CDH13: variants seen among roughly 807,000 people sequenced by gnomAD.
CDH13 encodes cadherin 13.
A neutral mutation model predicts 63.8 loss-of-function variants in CDH13; 24 were observed. The observed-to-expected ratio is 0.38, with a 90% CI of 0.27 to 0.53. CDH13 has a LOEUF of 0.53. CDH13 is among the 20% of genes least tolerant of loss of function. The pLI, the probability that CDH13 is intolerant of heterozygous loss-of-function variation, is 0.85. For synonymous variants in CDH13, 503 were observed against 355.3 expected, an observed-to-expected ratio of 1.42 and a Z score of -4.67; for missense variants, 1,049 against 903.1, an observed-to-expected ratio of 1.16 and a Z score of -2.07.
At chr16:83,618,457 G>GCATCT (rs1213602817) in intron 8 of CDH13, among the ~76,000 whole-genome samples, 1 of 151,726 alleles carries the variant, frequency 6.6e-6, no homozygotes, top group African/African-American at 2.4e-5. Flanking sequence ...CACTAGGAAG[G>GCATCT]CATCTCATTC....
intron 5 of CDH13, among the ~76,000 whole-genome samples, chr16:83,270,848 C>G (rs1028369106): frequency 6.6e-6 from 1 of 151,642 alleles, no homozygotes; most frequent in Non-Finnish European, 1.5e-5. Context: ...CTTCTCTTTT[C>G]TCCTTCCTCA....
chr16:83,766,593 T>A (rs1174370371), intron 11 of CDH13, among the ~76,000 whole-genome samples: 1 of 152,228 alleles, frequency 6.6e-6, no homozygotes, highest in African/African-American at 2.4e-5. Context: ...CCTCTGGGCC[T>A]ACCTCTGGGA....
intron 8 of CDH13, among the ~76,000 whole-genome samples, chr16:83,655,782 G>C (rs370828019): frequency 6.6e-6 from 1 of 152,172 alleles, no homozygotes; most frequent in South Asian, 2.1e-4. Flanking sequence ...TGGCTTCATT[G>C]AATCAATGAA....
rs1909886980 is a variant in CDH13, at chr16:82,644,795, A to G, written c.45+17658A>G. ...TAGCAACAGGAGATCACGCAAAGCC[A>G]CGTAAGTGTCTGATTCAGTCCTCCC... On this transcript the variant is annotated intron_variant, in intron 1 of 13. Transcript: ENST00000567109. The surrounding 1 kb of genome is among the most constrained non-coding windows in gnomAD (Gnocchi z 5.7). Among the ~76,000 whole-genome samples, 1 of 152,182 alleles carries G rather than the reference A, an allele frequency of 6.6e-6. No homozygotes were observed. Among genetic ancestry groups the G allele is most frequent in the African/African-American group, 2.4e-5 (1 of 41,438 alleles).
chr16:83,284,842 T>C (rs2089268903), intron 5 of CDH13, among the ~76,000 whole-genome samples: 1 of 152,146 alleles, frequency 6.6e-6, no homozygotes, highest in Non-Finnish European at 1.5e-5. Context: ...CTTTTCAGTA[T>C]ACGTTGAAGG....
At chr16:83,654,212 C>T (rs1334546296) in intron 8 of CDH13, among the ~76,000 whole-genome samples, 1 of 150,778 alleles carries the variant, frequency 6.6e-6, no homozygotes, top group Non-Finnish European at 1.5e-5. Context: ...CAGGCTGGTG[C>T]AAAAGTAATT....
At chr16:83,253,194 C>T (rs912931793) in intron 5 of CDH13, among the ~76,000 whole-genome samples, 1 of 152,122 alleles carries the variant, frequency 6.6e-6, no homozygotes, top group African/African-American at 2.4e-5. Context: ...TCAAAGTCCT[C>T]CAAGATGGAT....
intron 2 of CDH13, among the ~76,000 whole-genome samples, chr16:82,920,773 T>A (rs952386923): frequency 2.0e-5 from 3 of 152,174 alleles, no homozygotes; most frequent in African/African-American, 7.2e-5. Flanking sequence ...GACAGAAGGG[T>A]TAAGAATGGA....
chr16:83,503,739 T>G (rs542371844), intron 7 of CDH13, among the ~76,000 whole-genome samples: 57 of 152,246 alleles, frequency 3.7e-4, no homozygotes, highest in African/African-American at 1.3e-3. Context: ...AATGGGGTTG[T>G]TTGTTTTTTT....
intron 4 of CDH13, among the ~76,000 whole-genome samples, chr16:83,165,041 C>G (rs1257760750): frequency 2.0e-5 from 3 of 149,588 alleles, no homozygotes; most frequent in East Asian, 2.0e-4. Flanking sequence ...CCAGCCCACG[C>G]TCTGATCACA....
rs535273049 is a variant in CDH13 at position 82,641,079 on chromosome 16, G to A, written c.45+13942G>A. Among the ~76,000 whole-genome samples, 171 of 152,284 alleles carry A rather than the reference G, an allele frequency of 1.1e-3. 1 individual carries two copies. Among genetic ancestry groups the A allele is most frequent in the African/African-American group, 3.7e-3 (152 of 41,550 alleles). On this transcript the variant is annotated intron_variant, in intron 1 of 13. Transcript: ENST00000567109. ...AGCCAACAGTGAATGTGTCATTGAG[G>A]TGGTCACAGTCATGGGAAACTGGCT...
intron 2 of CDH13, among the ~76,000 whole-genome samples, chr16:82,921,313 C>G (rs1341328278): frequency 6.6e-6 from 1 of 152,202 alleles, no homozygotes; most frequent in Admixed American, 6.5e-5. Context: ...CTTCTTCCAG[C>G]TTCTGGTGGC....
At chr16:83,378,501 G>A (rs193146038) in intron 6 of CDH13, among the ~76,000 whole-genome samples, 2 of 151,998 alleles carry the variant, frequency 1.3e-5, no homozygotes, top group African/African-American at 4.8e-5. Flanking sequence ...CCAATAAAGG[G>A]GTCCCCTTCA....
chr16:83,178,479 A>G (rs950497623), intron 4 of CDH13, among the ~76,000 whole-genome samples: 2 of 152,210 alleles, frequency 1.3e-5, no homozygotes, highest in African/African-American at 4.8e-5. Context: ...ATAGATGGTT[A>G]TAGAATTATA....
intron 4 of CDH13, among the ~76,000 whole-genome samples, chr16:83,152,690 C>A (rs983266301): frequency 6.6e-6 from 1 of 152,164 alleles, no homozygotes; most frequent in East Asian, 1.9e-4. Context: ...TGGACAAACA[C>A]GCTATGTGGT....
chr16:83,183,637 A>G (rs1445640976), intron 4 of CDH13, among the ~76,000 whole-genome samples: 1 of 152,280 alleles, frequency 6.6e-6, no homozygotes, highest in Non-Finnish European at 1.5e-5. Context: ...GGGTGTGTTT[A>G]GTTTGGCTTC....
intron 3 of CDH13, among the ~76,000 whole-genome samples, chr16:83,084,028 T>G (rs899000297): frequency 2.0e-5 from 3 of 152,212 alleles, no homozygotes; most frequent in African/African-American, 7.2e-5. Context: ...TCATAATTTT[T>G]ACTACACTTT....
At chr16:83,137,504 C>A (rs892768523) in intron 4 of CDH13, among the ~76,000 whole-genome samples, 4 of 152,114 alleles carry the variant, frequency 2.6e-5, no homozygotes, top group African/African-American at 9.7e-5. Flanking sequence ...CACATGTTGA[C>A]AAGCAAAAAA....
At chr16:83,761,416 A>C (rs1913957462) in intron 11 of CDH13, among the ~76,000 whole-genome samples, 1 of 152,248 alleles carries the variant, frequency 6.6e-6, no homozygotes, top group Non-Finnish European at 1.5e-5. Flanking sequence ...AGCAAAGAAC[A>C]ATTGGTGAAT....
Sources: allele counts gnomAD v4.1 joint callset (sites outside exome capture counted in the v4.1 genomes callset), GRCh38; gene constraint gnomAD v4.1.1; non-coding constraint Gnocchi (gnomAD v3.1); transcripts MANE v1.5; gene names NCBI Gene and HGNC (gene_info 2026-07-23, HGNC 2026-07-21).